POLR3K: variants seen among roughly 807,000 people sequenced by gnomAD.
POLR3K encodes DNA-directed RNA polymerase III subunit RPC10.
Under a neutral mutation model 13.5 loss-of-function variants are expected in POLR3K, and 11 were observed. The observed-to-expected ratio is 0.81, with a 90% confidence interval of 0.51 to 1.35. The LOEUF (loss-of-function observed/expected upper bound fraction) is 1.35, where lower values mean the gene tolerates loss of function less well. POLR3K is among the 40% of genes most tolerant of loss of function. The pLI, the probability that POLR3K is intolerant of heterozygous loss-of-function variation, is 0.00. For synonymous variants in POLR3K, 56 were observed against 51.5 expected (o/e 1.09, Z -0.38); for missense variants, 144 against 145.3 (o/e 0.99, Z 0.05).
rs1190010213 is a variant in POLR3K, at chr16:47,520, G to C, written c.237C>G (p.Phe79Leu). Residue 79 changes from phenylalanine to leucine, a missense_variant, in exon 3 of 3, where the codon TTC becomes TTG. Physicochemically the swap from Phe to Leu is conservative, Grantham distance 22. Coordinates refer to ENST00000293860, the MANE Select transcript of POLR3K (RefSeq NM_016310.5). ...CTGCAGAGCGGGTCTGAAGCTGCAT[G>C]AAGTAAGCACGAGGATGTTCGCATT... Reference protein sequence around the residue: ...CPKCEHPRAYFMQLQTRSADE... With the variant: ...CPKCEHPRAYLMQLQTRSADE... 6.2e-7 allele frequency: 1 copy of C among 1,612,914 alleles called. No individual in the cohort carries two copies. Among genetic ancestry groups the C allele is most frequent in the East Asian group, 2.2e-5 (1 of 44,816 alleles).
chr16:47,286 G>C lies in POLR3K; in HGVS notation c.*144C>G. ...GCCTGGCAGATAGGCCATATTTCCT[G>C]ACCCCCTGGCTCTTCACCTCAAAAG... On this transcript the variant is annotated 3_prime_UTR_variant, in exon 3 of 3. Coordinates refer to ENST00000293860, the MANE Select transcript of POLR3K (RefSeq NM_016310.5). The C allele has an allele frequency of 9.2e-7, 1 of 1,084,436 alleles. No homozygotes were observed. Among genetic ancestry groups the C allele is most frequent in the Non-Finnish European group, 1.3e-6 (1 of 792,722 alleles). 67.2% of individuals were successfully genotyped at this position (1,084,436 alleles called of 1,614,324 possible).
chr16:47,653 G>A (rs758470988), intron 2 of POLR3K, 96 bp from the exon 3 acceptor site: 47 of 1,319,310 alleles, frequency 3.6e-5, no homozygotes, highest in Middle Eastern at 3.9e-4. Context: ...AGGCCAAGGC[G>A]GGCGGATCAC....
In POLR3K at chr16:49,398, A is replaced by AT. The variant is rs1263052165; in HGVS notation, c.200-1842dup. Among the ~76,000 whole-genome samples the AT allele has an allele frequency of 6.7e-5, 10 of 150,328 alleles. No homozygotes were observed. The East Asian group carries it at 2.0e-3, about 31-fold the overall frequency. ...GGTTGCAGTGAGCCGAGATCACACC[A>AT]TTGCACTCTTCAAAGCGATTTCACT... On this transcript the variant is annotated intron_variant, in intron 2 of 2. Coordinates refer to ENST00000293860, the MANE Select transcript of POLR3K (RefSeq NM_016310.5).
Position 47,217 on chromosome 16 carries a change from C to T in POLR3K, c.*213G>A. ...TTTAGTTATGGGTCTCTGTCTCCTC[C>T]CCACACAGAAAAACTCCCAGACATT... On this transcript the variant is annotated 3_prime_UTR_variant, in exon 3 of 3. Transcript: ENST00000293860. The T allele has an allele frequency of 2.2e-6, 1 of 458,858 alleles. No homozygotes were observed. Among genetic ancestry groups the T allele is most frequent in the Non-Finnish European group, 3.8e-6 (1 of 262,560 alleles). The allele number at this position is 458,858 out of a possible 1,614,324, so 28.4% of individuals were successfully genotyped here.
rs186236629 is a variant in POLR3K, at chr16:50,010, G to A, written c.199+1548C>T. Among the ~76,000 whole-genome samples, 1,081 of 151,784 alleles carry A rather than the reference G, an allele frequency of 7.1e-3. 6 individuals carry two copies. The highest frequency in any genetic ancestry group is 9.7e-3 in the Admixed American group (148 of 15,224). Reference sequence around the variant, plus strand: ...TTTCGTTCTTGTTGCCCAGGCTGGAGTGCAATGATGCAATCTTGGCTCACT... The same window carrying A: ...TTTCGTTCTTGTTGCCCAGGCTGGAATGCAATGATGCAATCTTGGCTCACT... On this transcript the variant is annotated intron_variant, in intron 2 of 2. Coordinates refer to ENST00000293860, the MANE Select transcript of POLR3K (RefSeq NM_016310.5).
intron 1 of POLR3K, among the ~76,000 whole-genome samples, chr16:52,804 A>T (rs542436461): frequency 2.7e-5 from 4 of 148,396 alleles, no homozygotes; most frequent in East Asian, 2.0e-4. Flanking sequence ...AACAATAAAA[A>T]AAAATAAAGA....
intron 1 of POLR3K, chr16:51,991 G>T: frequency 5.6e-6 from 1 of 177,110 alleles, no homozygotes. Context: ...CTGCACTCCA[G>T]CCTGGGCTAC....
Position 53,480 on chromosome 16 carries a change from C to G in POLR3K, c.107G>C (p.Arg36Pro), listed in dbSNP as rs1425756773. 4.4e-6 allele frequency: 7 copies of G among 1,609,080 alleles called. No individual in the cohort carries two copies. Among genetic ancestry groups the G allele is most frequent in the Admixed American group, 1.7e-5 (1 of 59,380 alleles). The stretch of plus-strand genomic sequence containing the variant: ...GCGCCGGCCTTCGGGTCCCACCTTG[C>G]GGGTGATGTTGTGCACGTAGGGGCA... ...NTCPYVHNIT[R>P]KVTNRKYPKL... Residue 36 changes from arginine (R) to proline (P), a missense_variant, in exon 1 of 3, where the codon CGC becomes CCC. By Grantham distance (103) the Arg-to-Pro change is moderately radical. Coordinates refer to ENST00000293860, the MANE Select transcript of POLR3K (RefSeq NM_016310.5).
intron 1 of POLR3K, chr16:52,877 G>A (rs1052423615): frequency 2.6e-5 from 4 of 152,082 alleles, no homozygotes; most frequent in African/African-American, 7.3e-5. Context: ...CAATTACAAA[G>A]GGAAGGAGAA....
chr16:53,463 C>T lies in POLR3K; in HGVS notation c.111+13G>A, dbSNP rs772775673. On this transcript the variant is annotated intron_variant, in intron 1 of 2. Coordinates refer to ENST00000293860, the MANE Select transcript of POLR3K (RefSeq NM_016310.5). Reference sequence around the variant, plus strand: ...AGAGTCGCCCGCGCCCAGCGCCGGCCTTCGGGTCCCACCTTGCGGGTGATG... The same window carrying T: ...AGAGTCGCCCGCGCCCAGCGCCGGCTTTCGGGTCCCACCTTGCGGGTGATG... 7 of 1,603,410 alleles carry T rather than the reference C, an allele frequency of 4.4e-6. No individual in the cohort carries two copies. The highest frequency in any genetic ancestry group is 6.0e-6 in the Non-Finnish European group (7 of 1,174,432).
chr16:50,873 C>T (rs1381478338), intron 2 of POLR3K, among the ~76,000 whole-genome samples: 1 of 152,178 alleles, frequency 6.6e-6, no homozygotes, highest in Non-Finnish European at 1.5e-5. Flanking sequence ...GGGGATGCCT[C>T]AGGAAACCTA....
chr16:49,908 G>C (rs1171273720), intron 2 of POLR3K, among the ~76,000 whole-genome samples: 2 of 152,140 alleles, frequency 1.3e-5, no homozygotes, highest in African/African-American at 4.8e-5. Flanking sequence ...AAAATGCTGG[G>C]ATTATAGGTG....
chr16:53,167 A>G, intron 1 of POLR3K: 1 of 337,220 alleles, frequency 3.0e-6, no homozygotes, highest in Non-Finnish European at 5.3e-6. Flanking sequence ...CGTGAGCTGG[A>G]GAAGAGCCGA....
At chr16:52,019 C>CAA (rs545144457) in intron 1 of POLR3K, 99 of 116,608 alleles carry the variant, frequency 8.5e-4, no homozygotes, top group South Asian at 8.4e-3. Flanking sequence ...GACTCCATCT[C>CAA]AAAAAAAAAA....
intron 2 of POLR3K, among the ~76,000 whole-genome samples, chr16:50,114 C>A (rs552310162): frequency 6.6e-6 from 1 of 152,046 alleles, no homozygotes; most frequent in African/African-American, 2.4e-5. Flanking sequence ...GCTGCCACCA[C>A]GCCTGGCTAA....
chr16:49,006 G>T (rs1422403928), intron 2 of POLR3K, among the ~76,000 whole-genome samples: 1 of 151,636 alleles, frequency 6.6e-6, no homozygotes, highest in East Asian at 1.9e-4. Context: ...ACAAAAATTA[G>T]CCGGGCGTGG....
At chr16:49,242 C>G (rs1298394526) in intron 2 of POLR3K, among the ~76,000 whole-genome samples, 1 of 151,708 alleles carries the variant, frequency 6.6e-6, no homozygotes, top group Non-Finnish European at 1.5e-5. Flanking sequence ...AGTTCGTGAC[C>G]AGCCTTATCA....
intron 1 of POLR3K, 119 bp downstream of exon 1, chr16:53,357 G>C (rs906073523): frequency 1.4e-6 from 2 of 1,443,502 alleles, no homozygotes; most frequent in South Asian, 1.4e-5. Flanking sequence ...GACCAGAAAG[G>C]GGCGCGAGAA....
In POLR3K at chr16:47,510, GA is replaced by G. The variant is rs1339932960; in HGVS notation, c.246del (p.Gln83ArgfsTer9). 1 of 1,613,386 alleles carries G rather than the reference GA, an allele frequency of 6.2e-7. No homozygotes were observed. Among genetic ancestry groups the G allele is most frequent in the Non-Finnish European group, 8.5e-7 (1 of 1,179,546 alleles). On this transcript the variant is annotated frameshift_variant, in exon 3 of 3. Transcript: ENST00000293860. LOFTEE classifies it high-confidence loss of function. Reference sequence around the variant, plus strand: ...ATCGGCTCATCTGCAGAGCGGGTCTGAAGCTGCATGAAGTAAGCACGAGGAT... The same window carrying G: ...ATCGGCTCATCTGCAGAGCGGGTCTGAGCTGCATGAAGTAAGCACGAGGAT... Reference protein sequence around the residue: ...CEHPRAYFMQLQTRSADEPMT... With the variant: ...CEHPRAYFMQXQTRSADEPMT...
Sources: allele counts gnomAD v4.1 joint callset (sites outside exome capture counted in the v4.1 genomes callset), GRCh38; gene constraint gnomAD v4.1.1; transcripts MANE v1.5; gene names NCBI Gene and HGNC (gene_info 2026-07-23, HGNC 2026-07-21).